KIAA1614: variants seen among roughly 807,000 people sequenced by gnomAD.
KIAA1614 encodes uncharacterized protein KIAA1614.
In KIAA1614, 76 loss-of-function variants were observed where a neutral mutation model predicts 88.7. The observed-to-expected ratio is 0.86, with a 90% CI of 0.71 to 1.04. KIAA1614 has a LOEUF of 1.04. Ranked by LOEUF, KIAA1614 falls within the 50% of genes least tolerant of loss-of-function variation. The pLI is 0.00. For synonymous variants in KIAA1614, 714 were observed against 675.5 expected, an observed-to-expected ratio of 1.06 and a Z score of -0.88; for missense variants, 1,553 against 1,582.5, an observed-to-expected ratio of 0.98 and a Z score of 0.32.
At position 180,916,531 on chromosome 1, in the gene KIAA1614, G is replaced by A. The variant is rs551720353; in HGVS notation, c.428G>A (p.Arg143His). 1.1e-5 allele frequency: 17 copies of A among 1,613,716 alleles called. No individual in the cohort carries two copies. The highest frequency in any genetic ancestry group is 8.0e-5 in the African/African-American group (6 of 75,054). The change falls in exon 2 of 9, where the codon CGT (arginine) becomes CAT (histidine). Residue 143 changes from arginine (R) to histidine (H), a missense_variant. Coordinates refer to ENST00000367588, the MANE Select transcript of KIAA1614 (RefSeq NM_020950.2). ...SFLPGAVVAP[R>H]TQNLPDGQLD... ...CTGCCAGGTGCTGTGGTGGCTCCTC[G>A]TACCCAAAACCTGCCTGATGGGCAG...
chr1:180,935,391 C>CGG lies in KIAA1614; in HGVS notation c.1483_1484insGG (p.Ala495GlyfsTer83). On this transcript the variant is annotated frameshift_variant, in exon 5 of 9. Coordinates refer to ENST00000367588, the MANE Select transcript of KIAA1614 (RefSeq NM_020950.2). LOFTEE classifies it high-confidence loss of function. This position sits in a 1 kb window ranked among gnomAD's most constrained non-coding sequence, Gnocchi z 6.1. Reference sequence around the variant, plus strand: ...GCCCCCTGCGCTCCAAGCCCGACCTCGCCGACTACATCAACGGGGCTCCCC... The same window carrying CGG: ...GCCCCCTGCGCTCCAAGCCCGACCTCGGGCCGACTACATCAACGGGGCTCCCC... 3 of 1,471,286 alleles carry CGG rather than the reference C, an allele frequency of 2.0e-6. No individual in the cohort carries two copies. The highest frequency in any genetic ancestry group is 2.7e-6 in the Non-Finnish European group (3 of 1,117,842). 91.1% of individuals were successfully genotyped at this position (1,471,286 alleles called of 1,614,324 possible). A position where few individuals can be genotyped will look rare whatever the true frequency, so the allele number is the denominator to read the frequency against.
chr1:180,943,257 C>T (rs1029652292), intron 7 of KIAA1614, among the ~76,000 whole-genome samples: 11 of 152,092 alleles, frequency 7.2e-5, no homozygotes, highest in African/African-American at 2.7e-4. Context: ...AAACTCCTGA[C>T]TTCATGTAAT....
At chr1:180,937,637 G>A (rs1654362477) in intron 5 of KIAA1614, among the ~76,000 whole-genome samples, 1 of 152,212 alleles carries the variant, frequency 6.6e-6, no homozygotes, top group African/African-American at 2.4e-5. Flanking sequence ...GGGACCCAGG[G>A]CTTGGCAACA....
intron 2 of KIAA1614, among the ~76,000 whole-genome samples, chr1:180,917,467 G>A (rs141655336): frequency 1.6e-5 from 1 of 61,348 alleles, no homozygotes; most frequent in Non-Finnish European, 3.9e-5. Context: ...CCCTCTGGTG[G>A]GGCAAGCAGA....
Position 180,931,268 on chromosome 1 carries a change from G to A in KIAA1614, c.1205+2695G>A, listed in dbSNP as rs189357243. ...CAGCAAGAGGCAGGGCTGGGAGGGT[G>A]ACACTGTAAGTGGTACTGTCCTGGG... On this transcript the variant is annotated intron_variant, in intron 4 of 8. Transcript: ENST00000367588. 7.2e-5 allele frequency among the ~76,000 whole-genome samples: 11 copies of A among 152,366 alleles called. No individual in the cohort carries two copies. In the East Asian group the frequency reaches 1.9e-3, roughly 27 times the overall value.
chr1:180,945,311 A>G lies in KIAA1614; in HGVS notation c.3296A>G (p.Lys1099Arg), dbSNP rs1654566180. The G allele has an allele frequency of 6.3e-7, 1 of 1,583,782 alleles. No homozygotes were observed. The highest frequency in any genetic ancestry group is 2.3e-5 in the East Asian group (1 of 44,292). Residue 1099 changes from lysine (K) to arginine (R), a missense_variant, in exon 9 of 9, where the codon AAG (lysine) becomes AGG (arginine). By Grantham distance (26) the Lys-to-Arg change is conservative. Transcript: ENST00000367588. Reference sequence around the variant, plus strand: ...CTCTGGTTCCCTCGCAGGCCGGCCAAGACTTCACCACGGCGTGCCCTCAGT... The same window carrying G: ...CTCTGGTTCCCTCGCAGGCCGGCCAGGACTTCACCACGGCGTGCCCTCAGT... ...GDHSAAGRPA[K>R]TSPRRALSVE...
At position 180,944,884 on chromosome 1, in the gene KIAA1614, G is replaced by A. The variant is rs144309754; in HGVS notation, c.3287+368G>A. ...GAGACAGAGGCCCCCAAAGAGGCCC[G>A]TGACCCATGACCTGCTTGGAAAATC... is the stretch of plus-strand genomic sequence containing the variant. On this transcript the variant is annotated intron_variant, in intron 8 of 8. Coordinates refer to ENST00000367588, the MANE Select transcript of KIAA1614 (RefSeq NM_020950.2). 6.3e-4 allele frequency: 160 copies of A among 255,018 alleles called. 1 individual carries two copies. The highest frequency in any genetic ancestry group is 3.3e-3 in the African/African-American group (146 of 44,478). 15.8% of individuals were successfully genotyped at this position (255,018 alleles called of 1,614,324 possible). A position where few individuals can be genotyped will look rare whatever the true frequency, so the allele number is the denominator to read the frequency against.
Position 180,928,361 on chromosome 1 carries a change from G to A in KIAA1614, c.1062-69G>A. The A allele has an allele frequency of 4.9e-6, 7 of 1,432,916 alleles. No individual in the cohort carries two copies. In the South Asian group the frequency reaches 6.2e-5, roughly 13 times the overall value. 88.8% of individuals were successfully genotyped at this position (1,432,916 alleles called of 1,614,324 possible). On this transcript the variant is annotated intron_variant, in intron 3 of 8. Transcript: ENST00000367588. The stretch of plus-strand genomic sequence containing the variant: ...ACAGCCAGTGCTTGACACTGCTAAA[G>A]CCCTCCTAATCTGCGTTATTTTCCT...
At chr1:180,919,840 G>A (rs1035576763) in intron 3 of KIAA1614, among the ~76,000 whole-genome samples, 7 of 152,154 alleles carry the variant, frequency 4.6e-5, no homozygotes, top group African/African-American at 1.7e-4. Context: ...TAACCTGCCA[G>A]GCCCCCAGCA....
At chr1:180,942,350 C>A (rs1016491846) in intron 7 of KIAA1614, among the ~76,000 whole-genome samples, 2 of 152,226 alleles carry the variant, frequency 1.3e-5, no homozygotes, top group African/African-American at 4.8e-5. Flanking sequence ...CTCGGACACC[C>A]CTTCTGTTCC....
At chr1:180,922,262 G>T (rs1653972495) in intron 3 of KIAA1614, among the ~76,000 whole-genome samples, 1 of 152,204 alleles carries the variant, frequency 6.6e-6, no homozygotes. Flanking sequence ...TGTTTTATGT[G>T]TGCTGTAGTG....
At chr1:180,925,871 G>GT (rs34513051) in intron 3 of KIAA1614, among the ~76,000 whole-genome samples, 1 of 83,464 alleles carries the variant, frequency 1.2e-5, no homozygotes, top group Non-Finnish European at 3.4e-5. Flanking sequence ...ACTCCCCCAA[G>GT]GGGGGACCTC....
At position 180,941,170 on chromosome 1, in the gene KIAA1614, A is replaced by G. The variant is rs544633704; in HGVS notation, c.3044A>G (p.Gln1015Arg). ...GLKKLFSALG[Q>R]SSRPKLGKSR... Reference sequence around the variant, plus strand: ...AAAAAGCTCTTCTCAGCCCTGGGCCAGAGTTCCCGGCCCAAGCTGGGCAAG... The same window carrying G: ...AAAAAGCTCTTCTCAGCCCTGGGCCGGAGTTCCCGGCCCAAGCTGGGCAAG... The change falls in exon 7 of 9, where the codon CAG (glutamine) becomes CGG (arginine). Residue 1015 changes from glutamine to arginine, a missense_variant. Transcript: ENST00000367588. 1.3e-4 allele frequency: 202 copies of G among 1,613,810 alleles called. No individual in the cohort carries two copies. The highest frequency in any genetic ancestry group is 1.6e-4 in the Non-Finnish European group (194 of 1,179,940).
At position 180,916,070 on chromosome 1, in the gene KIAA1614, C is replaced by T. The variant is rs914145494; in HGVS notation, c.51-84C>T. ...TTACTTTCATCTGGACAGGACTCAA[C>T]GCCAAGACACTTTGGGGCCCCGGGA... On this transcript the variant is annotated intron_variant, in intron 1 of 8. Coordinates refer to ENST00000367588, the MANE Select transcript of KIAA1614 (RefSeq NM_020950.2). 4.7e-5 allele frequency: 46 copies of T among 976,116 alleles called. 1 individual carries two copies. Among genetic ancestry groups the T allele is most frequent in the Admixed American group, 2.6e-4 (10 of 38,130 alleles). The allele number at this position is 976,116 out of a possible 1,614,324, so 60.5% of individuals were successfully genotyped here.
In KIAA1614 at chr1:180,935,190, G is replaced by T. The variant is rs903732118; in HGVS notation, c.1281G>T (p.Thr427=). 6.7e-7 allele frequency: 1 copy of T among 1,484,738 alleles called. No individual in the cohort carries two copies. Among genetic ancestry groups the T allele is most frequent in the African/African-American group, 1.5e-5 (1 of 68,290 alleles). The allele number at this position is 1,484,738 out of a possible 1,614,324, so 92.0% of individuals were successfully genotyped here. The part of the protein sequence containing the change: ...ACRDSLQNGH[T]SDSSSGESSG... ...GAGACAGCCTCCAGAACGGGCACAC[G>T]AGCGATTCCTCCAGCGGAGAGTCCA... is the stretch of plus-strand genomic sequence containing the variant. The change falls in exon 5 of 9, where the codon ACG becomes ACT. Residue 427 remains threonine, a synonymous_variant. Coordinates refer to ENST00000367588, the MANE Select transcript of KIAA1614 (RefSeq NM_020950.2). The surrounding 1 kb of genome is among the most constrained non-coding windows in gnomAD (Gnocchi z 6.1).
chr1:180,923,254 G>T (rs957909665), intron 3 of KIAA1614, among the ~76,000 whole-genome samples: 1 of 152,194 alleles, frequency 6.6e-6, no homozygotes, highest in Non-Finnish European at 1.5e-5. Context: ...CTCCCCTGAC[G>T]GAGGTTAGGA....
chr1:180,945,479 C>T lies in KIAA1614; in HGVS notation c.3464C>T (p.Pro1155Leu). Residue 1155 changes from proline (P) to leucine (L), a missense_variant, in exon 9 of 9, where the codon CCA (proline) becomes CTA (leucine). By Grantham distance (98) the Pro-to-Leu change is moderately conservative (BLOSUM62 -3). Coordinates refer to ENST00000367588, the MANE Select transcript of KIAA1614 (RefSeq NM_020950.2). ...GFCVASGNGR[P>L]DSGMPSPLPQ... is the part of the protein sequence containing the mutation. ...TGCGTGGCCTCTGGGAATGGGCGCC[C>T]AGACTCAGGTATGCCCTCTCCTCTT... The T allele has an allele frequency of 6.2e-7, 1 of 1,613,274 alleles. No homozygotes were observed. Among genetic ancestry groups the T allele is most frequent in the Admixed American group, 1.7e-5 (1 of 59,918 alleles).
Position 180,916,713 on chromosome 1 carries a change from G to A in KIAA1614, c.610G>A (p.Gly204Arg), listed in dbSNP as rs1653815203. 1 of 1,613,018 alleles carries A rather than the reference G, an allele frequency of 6.2e-7. No individual in the cohort carries two copies. The highest frequency in any genetic ancestry group is 1.3e-5 in the African/African-American group (1 of 74,918). ...TGACCATGACAGAGGTCCGCTGCTG[G>A]GGCCCAGCTCTTTGCAACAGAGCCC... is the stretch of plus-strand genomic sequence containing the variant. ...LPDHDRGPLLGPSSLQQSPIH... is the reference protein window; with the variant it reads ...LPDHDRGPLLRPSSLQQSPIH... Residue 204 changes from glycine to arginine, a missense_variant, in exon 2 of 9, where the codon GGG becomes AGG. Physicochemically the swap from Gly to Arg is moderately radical, Grantham distance 125 (BLOSUM62 -2). Transcript: ENST00000367588.
At chr1:180,926,477 A>G (rs1440794338) in intron 3 of KIAA1614, among the ~76,000 whole-genome samples, 3 of 17,496 alleles carry the variant, frequency 1.7e-4, no homozygotes, top group Non-Finnish European at 4.0e-4. Context: ...CTGATGAGAA[A>G]AAAAAAAAAA....
Sources: allele counts gnomAD v4.1 joint callset (sites outside exome capture counted in the v4.1 genomes callset), GRCh38; gene constraint gnomAD v4.1.1; non-coding constraint Gnocchi (gnomAD v3.1); transcripts MANE v1.5; gene names NCBI Gene and HGNC (gene_info 2026-07-23, HGNC 2026-07-21).